OSTM1: variants seen among roughly 807,000 people sequenced by gnomAD.
The protein encoded by OSTM1 is osteoclastogenesis associated transmembrane protein 1.
In OSTM1, 26 loss-of-function variants were observed where a neutral mutation model predicts 35.4. The ratio of observed to expected loss-of-function variants is 0.73; its 90% CI spans 0.54 to 1.02. The LOEUF is 1.02. Among genes scored for constraint, OSTM1 ranks in the 50% least tolerant of loss-of-function variants. The probability of loss-of-function intolerance (pLI) is 0.00; values close to 1 mark genes in which losing one functional copy is unlikely to be tolerated. For synonymous variants in OSTM1, 181 were observed against 165.0 expected, an observed-to-expected ratio of 1.10 and a Z score of -0.75; for missense variants, 366 against 409.6, an observed-to-expected ratio of 0.89 and a Z score of 0.92.
chr6:108,068,454 A>T (rs1478760778), intron 1 of OSTM1, among the ~76,000 whole-genome samples: 1 of 151,490 alleles, frequency 6.6e-6, no homozygotes, highest in Non-Finnish European at 1.5e-5. Context: ...CACTAAACAG[A>T]CTCCTCCCTC....
chr6:108,055,088 G>A (rs1772147286), intron 2 of OSTM1, among the ~76,000 whole-genome samples: 1 of 152,182 alleles, frequency 6.6e-6, no homozygotes, highest in Non-Finnish European at 1.5e-5. Context: ...GGAGCCCAGA[G>A]AAACAAACTG....
chr6:108,068,937 G>A (rs1772430682), intron 1 of OSTM1, among the ~76,000 whole-genome samples: 1 of 152,110 alleles, frequency 6.6e-6, no homozygotes, highest in Admixed American at 6.5e-5. Context: ...ACTGTGCTGT[G>A]TTCTAGACCT....
In OSTM1 at chr6:108,071,556, G is replaced by T. The variant is rs191403724; in HGVS notation, c.402+2694C>A. On this transcript the variant is annotated intron_variant, in intron 1 of 5. Coordinates refer to ENST00000193322, the MANE Select transcript of OSTM1 (RefSeq NM_014028.4). ...TCGAACTCCTGGCCTCAGGTGATCT[G>T]CCTGCCTTGGCCTCCCAAAGTGCTG... is the stretch of plus-strand genomic sequence containing the variant. 3.4e-3 allele frequency among the ~76,000 whole-genome samples: 487 copies of T among 144,424 alleles called. 1 individual carries two copies. The highest frequency in any genetic ancestry group is 5.5e-3 in the Non-Finnish European group (368 of 67,202). The allele number at this position is 144,424 out of a possible 152,430, so 94.7% of individuals were successfully genotyped here.
chr6:108,046,023 C>T (rs888603426), intron 5 of OSTM1, among the ~76,000 whole-genome samples: 5 of 151,784 alleles, frequency 3.3e-5, no homozygotes, highest in African/African-American at 9.7e-5. Context: ...TTTTTTGAGA[C>T]GGACTCTCGG....
chr6:108,073,926 C>G, intron 1 of OSTM1: 1 of 407,390 alleles, frequency 2.5e-6, no homozygotes, highest in East Asian at 4.4e-5. Context: ...AAGGATCCTT[C>G]CTGGCAACTC....
At chr6:108,065,122 G>A (rs959448436) in intron 1 of OSTM1, among the ~76,000 whole-genome samples, 3 of 151,910 alleles carry the variant, frequency 2.0e-5, no homozygotes, top group African/African-American at 7.3e-5. Context: ...GCCTCCCAAA[G>A]TGCTGGGATT....
At position 108,043,353 on chromosome 6, in the gene OSTM1, T is replaced by C. The variant is rs1201667321; in HGVS notation, c.*1432A>G. The C allele has an allele frequency of 6.6e-6, 1 of 152,216 alleles. No homozygotes were observed. Among genetic ancestry groups the C allele is most frequent in the Non-Finnish European group, 1.5e-5 (1 of 68,040 alleles). 9.4% of individuals were successfully genotyped at this position (152,216 alleles called of 1,614,324 possible). ...GAGAAAGTGTAACAGCTTTTGAGTA[T>C]GTTATACATCCAAGAGCCTTATATT... On this transcript the variant is annotated 3_prime_UTR_variant, in exon 6 of 6. Transcript: ENST00000193322.
In OSTM1 at chr6:108,044,668, G is replaced by A; in HGVS notation, c.*117C>T. Reference sequence around the variant, plus strand: ...ATTCTTATTTAAAAATGGATCTGAAGTCCTTGTATTTCTTAAGAGCTTGAC... The same window carrying A: ...ATTCTTATTTAAAAATGGATCTGAAATCCTTGTATTTCTTAAGAGCTTGAC... On this transcript the variant is annotated 3_prime_UTR_variant, in exon 6 of 6. Transcript: ENST00000193322. The A allele has an allele frequency of 1.6e-6, 1 of 616,644 alleles. No individual in the cohort carries two copies. The highest frequency in any genetic ancestry group is 2.3e-5 in the South Asian group (1 of 43,874). 38.2% of individuals were successfully genotyped at this position (616,644 alleles called of 1,614,324 possible).
intron 2 of OSTM1, among the ~76,000 whole-genome samples, chr6:108,058,026 A>G (rs904348073): frequency 1.3e-5 from 2 of 151,058 alleles, no homozygotes; most frequent in Non-Finnish European, 2.9e-5. Context: ...AGGCTCAGGC[A>G]TCAGCTTAAG....
At position 108,051,335 on chromosome 6, in the gene OSTM1, T is replaced by G. The variant is rs779624481; in HGVS notation, c.616-137A>C. On this transcript the variant is annotated intron_variant, in intron 3 of 5. Coordinates refer to ENST00000193322, the MANE Select transcript of OSTM1 (RefSeq NM_014028.4). ...TGCTAAGCTGTGATGTTGAGTAGGT[T>G]ACTAAATCACTCTGAGTCTCAGTTT... 4 of 649,778 alleles carry G rather than the reference T, an allele frequency of 6.2e-6. No homozygotes were observed. In the African/African-American group the frequency reaches 7.3e-5, roughly 12 times the overall value. 40.3% of individuals were successfully genotyped at this position (649,778 alleles called of 1,614,324 possible). A position where few individuals can be genotyped will look rare whatever the true frequency, so the allele number is the denominator to read the frequency against.
intron 1 of OSTM1, chr6:108,073,911 C>G (rs1772533110): frequency 2.8e-6 from 1 of 363,394 alleles, no homozygotes; most frequent in South Asian, 4.1e-5. Context: ...CCACTTGTTT[C>G]AGAAAAGGAT....
chr6:108,052,510 C>T (rs2114594773), intron 3 of OSTM1, among the ~76,000 whole-genome samples: 1 of 125,742 alleles, frequency 8.0e-6, no homozygotes, highest in Middle Eastern at 4.0e-3. Context: ...AGTAATTTAA[C>T]CTTTTTTTTT....
intron 4 of OSTM1, 89 bp downstream of exon 4, chr6:108,050,942 T>G: frequency 1.8e-6 from 2 of 1,103,508 alleles, no homozygotes; most frequent in Non-Finnish European, 2.8e-6. Flanking sequence ...ATATGCAGAT[T>G]CCACCCTATC....
Position 108,044,714 on chromosome 6 carries a change from T to G in OSTM1, c.*71A>C, listed in dbSNP as rs1771935878. On this transcript the variant is annotated 3_prime_UTR_variant, in exon 6 of 6. Transcript: ENST00000193322. ...TTGACTTGTCAAATCACAGTTTATCTTCTTTCTGAAACCAAGTTGTGTCTT... is the reference window on the plus strand; with the variant it reads ...TTGACTTGTCAAATCACAGTTTATCGTCTTTCTGAAACCAAGTTGTGTCTT... The G allele has an allele frequency of 5.9e-6, 5 of 849,592 alleles. No individual in the cohort carries two copies. Among genetic ancestry groups the G allele is most frequent in the Non-Finnish European group, 8.0e-6 (4 of 500,186 alleles). The allele number at this position is 849,592 out of a possible 1,614,324, so 52.6% of individuals were successfully genotyped here.
intron 4 of OSTM1, among the ~76,000 whole-genome samples, chr6:108,049,994 C>A (rs1772046887): frequency 6.6e-6 from 1 of 152,176 alleles, no homozygotes; most frequent in Non-Finnish European, 1.5e-5. Context: ...TTCTCAGTTT[C>A]CTCTAATGCC....
At chr6:108,052,160 C>T (rs1359312687) in intron 3 of OSTM1, among the ~76,000 whole-genome samples, 5 of 152,060 alleles carry the variant, frequency 3.3e-5, no homozygotes, top group Admixed American at 2.0e-4. Context: ...CAGGGCTGGG[C>T]GCGATGGTTC....
At position 108,044,748 on chromosome 6, in the gene OSTM1, C is replaced by G; in HGVS notation, c.*37G>C. 8.3e-7 allele frequency: 1 copy of G among 1,197,744 alleles called. No homozygotes were observed. Among genetic ancestry groups the G allele is most frequent in the Non-Finnish European group, 1.2e-6 (1 of 810,816 alleles). 74.2% of individuals were successfully genotyped at this position (1,197,744 alleles called of 1,614,324 possible). A position where few individuals can be genotyped will look rare whatever the true frequency, so the allele number is the denominator to read the frequency against. On this transcript the variant is annotated 3_prime_UTR_variant, in exon 6 of 6. Transcript: ENST00000193322. ...AAACCAAGTTGTGTCTTCCACCATT[C>G]ATTCACGTGATATGTCAATTCTCCA... is the stretch of plus-strand genomic sequence containing the variant.
chr6:108,054,421 A>G, intron 3 of OSTM1, 69 bp downstream of exon 3: 1 of 702,148 alleles, frequency 1.4e-6, no homozygotes, highest in South Asian at 1.9e-5. Context: ...GTGCTCTAAA[A>G]ACTTGGAACT....
At chr6:108,048,562 C>T (rs1772020274) in intron 5 of OSTM1, among the ~76,000 whole-genome samples, 1 of 152,118 alleles carries the variant, frequency 6.6e-6, no homozygotes, top group African/African-American at 2.4e-5. Context: ...GCTATAGTTT[C>T]TTCCTGCCTG....
Sources: allele counts gnomAD v4.1 joint callset (sites outside exome capture counted in the v4.1 genomes callset), GRCh38; gene constraint gnomAD v4.1.1; transcripts MANE v1.5; gene names NCBI Gene and HGNC (gene_info 2026-07-23, HGNC 2026-07-21).